The following CNTNAP2 variants were observed in gnomAD, a reference collection of about 807,000 sequenced individuals.
The protein encoded by CNTNAP2 is contactin associated protein 2.
CNTNAP2 carries 98 observed loss-of-function variants against 155.2 expected under a neutral mutation model. The ratio of observed to expected loss-of-function variants is 0.63; its 90% confidence interval spans 0.54 to 0.75. CNTNAP2 has a LOEUF of 0.75. Ranked by LOEUF, CNTNAP2 falls within the 30% of genes least tolerant of loss-of-function variation. The pLI is 0.00. For synonymous variants in CNTNAP2, 651 were observed against 631.2 expected (o/e 1.03, Z -0.47); for missense variants, 1,727 against 1,688.1 (o/e 1.02, Z -0.40).
intron 14 of CNTNAP2, among the ~76,000 whole-genome samples, chr7:147,958,943 C>T (rs191877824): frequency 5.5e-4 from 84 of 152,132 alleles, no homozygotes; most frequent in African/African-American, 1.9e-3. Context: ...CTAACAAGGT[C>T]CCAGGTGTGT....
chr7:147,073,298 C>T (rs1479743627), intron 4 of CNTNAP2, among the ~76,000 whole-genome samples: 1 of 127,780 alleles, frequency 7.8e-6, no homozygotes, highest in Non-Finnish European at 1.6e-5. Context: ...CCTTAGTAAA[C>T]TAATGCAGGA....
At chr7:148,013,993 AAAT>A (rs1459265591) in intron 15 of CNTNAP2, 2 of 152,228 alleles carry the variant, frequency 1.3e-5, no homozygotes, top group African/African-American at 4.8e-5. Flanking sequence ...TAATACTCAG[AAAT>A]ATATGTAATA....
In CNTNAP2 at chr7:146,677,626, G is replaced by C. The variant is rs772236585; in HGVS notation, c.98-96645G>C. ...TGTCCTCTAGCAGTTCACAGTGTCTGTTGTTCCGAGGAGTGCCCAATGTTT... is the reference window on the plus strand; with the variant it reads ...TGTCCTCTAGCAGTTCACAGTGTCTCTTGTTCCGAGGAGTGCCCAATGTTT... On this transcript the variant is annotated intron_variant, in intron 1 of 23. Coordinates refer to ENST00000361727, the MANE Select transcript of CNTNAP2 (RefSeq NM_014141.6). Among the ~76,000 whole-genome samples, 151 of 151,680 alleles carry C rather than the reference G, an allele frequency of 1.0e-3. 4 individuals carry two copies. The highest frequency in any genetic ancestry group is 3.2e-4 in the Non-Finnish European group (22 of 67,966).
chr7:146,239,980 T>C (rs1447427635), intron 1 of CNTNAP2, among the ~76,000 whole-genome samples: 4 of 152,222 alleles, frequency 2.6e-5, no homozygotes, highest in Admixed American at 6.5e-5. Context: ...TTATAATTTA[T>C]TTTTTCATTA....
At chr7:148,020,817 G>A (rs543682762) in intron 15 of CNTNAP2, among the ~76,000 whole-genome samples, 1 of 152,240 alleles carries the variant, frequency 6.6e-6, no homozygotes, top group South Asian at 2.1e-4. Flanking sequence ...GTCTCCTGAG[G>A]TGAGCATAAA....
intron 8 of CNTNAP2, among the ~76,000 whole-genome samples, chr7:147,290,951 T>C (rs1054561662): frequency 4.6e-5 from 7 of 152,116 alleles, no homozygotes; most frequent in Admixed American, 2.6e-4. Context: ...CAACTGTTCA[T>C]GACATGCGCA....
At chr7:147,081,026 C>G (rs1397501940) in intron 4 of CNTNAP2, 3 of 152,082 alleles carry the variant, frequency 2.0e-5, no homozygotes, top group African/African-American at 7.2e-5. Context: ...GTATATTCAA[C>G]AAAATATAAC....
chr7:146,904,540 C>T (rs892790824), intron 3 of CNTNAP2, among the ~76,000 whole-genome samples: 13 of 152,268 alleles, frequency 8.5e-5, no homozygotes, highest in African/African-American at 2.4e-4. Flanking sequence ...GGCGCGATCT[C>T]GGCTCACTGC....
intron 13 of CNTNAP2, among the ~76,000 whole-genome samples, chr7:147,656,127 C>T (rs149974429): frequency 0.017 from 2,526 of 152,294 alleles, 219 homozygotes; most frequent in Admixed American, 0.15. Flanking sequence ...CTTCATATAA[C>T]TGAAGAGAGT....
chr7:148,230,466 A>G (rs1403402899), intron 20 of CNTNAP2, among the ~76,000 whole-genome samples: 1 of 152,192 alleles, frequency 6.6e-6, no homozygotes. Context: ...GGGAACTGTC[A>G]CTGCATTCTC....
chr7:146,655,903 C>T (rs1323127041), intron 1 of CNTNAP2, among the ~76,000 whole-genome samples: 2 of 151,958 alleles, frequency 1.3e-5, no homozygotes, highest in African/African-American at 2.4e-5. Context: ...ACTTTTCTTT[C>T]CTTGTCTTCT....
intron 1 of CNTNAP2, among the ~76,000 whole-genome samples, chr7:146,718,104 T>G (rs1801223081): frequency 6.6e-6 from 1 of 152,136 alleles, no homozygotes; most frequent in Non-Finnish European, 1.5e-5. Context: ...GCCTCCAACT[T>G]CAGGTGTTCT....
intron 13 of CNTNAP2, among the ~76,000 whole-genome samples, chr7:147,712,667 T>C (rs1201583559): frequency 6.6e-6 from 1 of 152,158 alleles, no homozygotes; most frequent in Non-Finnish European, 1.5e-5. Flanking sequence ...CACCGCATGT[T>C]CTCACTCATA....
chr7:147,935,207 A>G (rs554468865), intron 14 of CNTNAP2, among the ~76,000 whole-genome samples: 2 of 151,974 alleles, frequency 1.3e-5, no homozygotes, highest in South Asian at 2.1e-4. Context: ...GCTCACTGCA[A>G]TCTGTGCCTC....
At chr7:146,830,976 C>T (rs1298611341) in intron 2 of CNTNAP2, among the ~76,000 whole-genome samples, 2 of 152,158 alleles carry the variant, frequency 1.3e-5, no homozygotes, top group African/African-American at 4.8e-5. Context: ...TCTCCCAGCC[C>T]ACATTTTACT....
chr7:147,774,737 T>C lies in CNTNAP2; in HGVS notation c.2099-128828T>C, dbSNP rs1343664620. Among the ~76,000 whole-genome samples the C allele has an allele frequency of 1.2e-4, 19 of 152,140 alleles. 1 individual carries two copies. The highest frequency in any genetic ancestry group is 1.2e-3 in the Admixed American group (19 of 15,278). On this transcript the variant is annotated intron_variant, in intron 13 of 23. Transcript: ENST00000361727. ...TGGATGGCACCTTGATGTTGGACTTTCCAGTCTCCAGAACTAGAAGAAATA... is the reference window on the plus strand; with the variant it reads ...TGGATGGCACCTTGATGTTGGACTTCCCAGTCTCCAGAACTAGAAGAAATA...
intron 10 of CNTNAP2, among the ~76,000 whole-genome samples, chr7:147,441,819 C>T (rs1473380332): frequency 1.2e-5 from 1 of 82,418 alleles, no homozygotes; most frequent in East Asian, 2.4e-4. Context: ...CTCTTTCTCT[C>T]TCTCTCTCTC....
intron 10 of CNTNAP2, among the ~76,000 whole-genome samples, chr7:147,451,844 T>G (rs1239338666): frequency 6.6e-6 from 1 of 151,990 alleles, no homozygotes; most frequent in African/African-American, 2.4e-5. Context: ...AAAAAGTGAC[T>G]GGGTCATTAG....
chr7:147,934,972 A>G (rs1185332031), intron 14 of CNTNAP2, among the ~76,000 whole-genome samples: 1 of 152,178 alleles, frequency 6.6e-6, no homozygotes, highest in Non-Finnish European at 1.5e-5. Flanking sequence ...GAGTACAGAG[A>G]CTTTTTGAAT....
Sources: gnomAD v4.1 joint callset for allele counts (sites outside exome capture counted in the v4.1 genomes callset) on GRCh38, gnomAD v4.1.1 for gene constraint, MANE v1.5 for transcripts, NCBI Gene and HGNC (gene_info 2026-07-23, HGNC 2026-07-21) for gene names.